ATRN: variants seen among roughly 807,000 people sequenced by gnomAD.
ATRN encodes attractin-2.
A neutral mutation model predicts 178.7 loss-of-function variants in ATRN; 54 were observed. The ratio of observed to expected loss-of-function variants is 0.30; its 90% CI spans 0.24 to 0.38. The LOEUF is 0.38. ATRN is among the 10% of genes least tolerant of loss of function. ATRN has a pLI of 1.00. For missense variants in ATRN, 1,443 were observed against 1,815.1 expected, an observed-to-expected ratio of 0.79 and a Z score of 3.73; for synonymous variants, 636 against 663.0, an observed-to-expected ratio of 0.96 and a Z score of 0.63.
intron 1 of ATRN, among the ~76,000 whole-genome samples, chr20:3,487,800 A>C (rs143131957): frequency 6.6e-6 from 1 of 152,122 alleles, no homozygotes; most frequent in African/African-American, 2.4e-5. Flanking sequence ...TGGGTGTGGG[A>C]CTCGTTATGA....
chr20:3,604,303 A>C, intron 24 of ATRN, 41 bp downstream of exon 24: 1 of 1,541,086 alleles, frequency 6.5e-7, no homozygotes, highest in Non-Finnish European at 8.7e-7. Flanking sequence ...AAAGGTGGTG[A>C]AATCTCTTTA....
At chr20:3,635,363 TAATAAATAAATA>T (rs71331055) in intron 26 of ATRN, among the ~76,000 whole-genome samples, 9 of 149,158 alleles carry the variant, frequency 6.0e-5, no homozygotes, top group African/African-American at 9.9e-5. Context: ...CCTATTGAAA[TAATAAATAAATA>T]AATAAATAAA....
chr20:3,558,313 A>G (rs1345767277), intron 6 of ATRN, among the ~76,000 whole-genome samples: 1 of 152,086 alleles, frequency 6.6e-6, no homozygotes, highest in Non-Finnish European at 1.5e-5. Flanking sequence ...TTCATTCTGT[A>G]TACTTATTCT....
intron 1 of ATRN, among the ~76,000 whole-genome samples, chr20:3,500,783 A>T (rs1014204759): frequency 1.3e-5 from 2 of 151,888 alleles, no homozygotes; most frequent in East Asian, 1.9e-4. Context: ...ACATGTATAC[A>T]TATGTAACTA....
At chr20:3,542,619 C>T (rs2085640766) in intron 3 of ATRN, among the ~76,000 whole-genome samples, 2 of 123,568 alleles carry the variant, frequency 1.6e-5, no homozygotes, top group East Asian at 2.2e-4. Context: ...TCCCCCTTCC[C>T]CTTTTCCTTC....
intron 25 of ATRN, chr20:3,629,393 T>C (rs1331371699): frequency 2.6e-6 from 2 of 759,992 alleles, no homozygotes; most frequent in African/African-American, 3.8e-5. Context: ...ACAAGCTCTT[T>C]CCCTACACTG....
intron 1 of ATRN, among the ~76,000 whole-genome samples, chr20:3,508,504 G>A (rs1003536057): frequency 2.0e-5 from 3 of 152,074 alleles, no homozygotes; most frequent in Non-Finnish European, 2.9e-5. Flanking sequence ...TACAGAAACA[G>A]GCTACTAGTC....
intron 27 of ATRN, among the ~76,000 whole-genome samples, chr20:3,639,763 C>T (rs975648142): frequency 6.6e-6 from 1 of 152,050 alleles, no homozygotes; most frequent in South Asian, 2.1e-4. Context: ...TAAAATGTTA[C>T]TGAGCTCACA....
intron 26 of ATRN, among the ~76,000 whole-genome samples, chr20:3,637,059 A>G (rs1316038992): frequency 6.6e-6 from 1 of 152,252 alleles, no homozygotes; most frequent in Non-Finnish European, 1.5e-5. Flanking sequence ...CATGAGAGAA[A>G]GTAAGATGCA....
At position 3,547,485 on chromosome 20, in the gene ATRN, G is replaced by T; in HGVS notation, c.939G>T (p.Trp313Cys). Residue 313 changes from tryptophan (W) to cysteine (C), a missense_variant, in exon 5 of 29, where the codon TGG (tryptophan) becomes TGT (cysteine). Around this residue, in one of 4 missense-constraint regions of ATRN, gnomAD observed 862 missense variants for 972.1 expected, o/e 0.89. Transcript: ENST00000262919. Reference sequence around the variant, plus strand: ...GAGGATGCTCCTGCTTCTCAGACTGGCAGGGTAGGAGCTTCTTTCATTTTT... The same window carrying T: ...GAGGATGCTCCTGCTTCTCAGACTGTCAGGGTAGGAGCTTCTTTCATTTTT... ...DVRGCSCFSD[W>C]QGPGCSVPVP... The T allele has an allele frequency of 5.6e-6, 9 of 1,612,424 alleles. No homozygotes were observed. Among genetic ancestry groups the T allele is most frequent in the Non-Finnish European group, 7.6e-6 (9 of 1,178,480 alleles).
chr20:3,525,278 C>T lies in ATRN; in HGVS notation c.411-9975C>T, dbSNP rs1358678730. ...AGAGAATACTATAAACAACTCTACG[C>T]AAATAAACTAGAAAATCTAGAAGAA... is the stretch of plus-strand genomic sequence containing the variant. On this transcript the variant is annotated intron_variant, in intron 1 of 28. Transcript: ENST00000262919. Among the ~76,000 whole-genome samples, 4 of 152,258 alleles carry T rather than the reference C, an allele frequency of 2.6e-5. No homozygotes were observed. The East Asian group carries it at 7.7e-4, about 29-fold the overall frequency.
In ATRN at chr20:3,471,291, C is replaced by T. The variant is rs1299748746; in HGVS notation, c.184C>T (p.Leu62=). The T allele has an allele frequency of 1.4e-6, 2 of 1,473,792 alleles. No homozygotes were observed. Among genetic ancestry groups the T allele is most frequent in the East Asian group, 2.9e-5 (1 of 34,398 alleles). The allele number at this position is 1,473,792 out of a possible 1,614,324, so 91.3% of individuals were successfully genotyped here. Residue 62 remains leucine (L), a synonymous_variant, in exon 1 of 29, where the codon CTG becomes TTG. Coordinates refer to ENST00000262919, the MANE Select transcript of ATRN (RefSeq NM_139321.3). The part of the protein sequence containing the change: ...LLSPPLRPRL[L]LLLLLLSPPL... ...GTCTCCACCGCTGCGGCCACGGCTGCTGCTGCTGCTGTTGTTGCTCTCGCC... is the reference window on the plus strand; with the variant it reads ...GTCTCCACCGCTGCGGCCACGGCTGTTGCTGCTGCTGTTGTTGCTCTCGCC...
At chr20:3,472,729 C>G (rs2084449363) in intron 1 of ATRN, among the ~76,000 whole-genome samples, 1 of 152,076 alleles carries the variant, frequency 6.6e-6, no homozygotes, top group African/African-American at 2.4e-5. Context: ...TTGTGGCTAG[C>G]TGGAGGGATG....
At chr20:3,542,628 T>TCCCTTC (rs144062271) in intron 3 of ATRN, among the ~76,000 whole-genome samples, 3 of 122,902 alleles carry the variant, frequency 2.4e-5, no homozygotes, top group South Asian at 3.2e-4. Flanking sequence ...CCCTTTTCCT[T>TCCCTTC]CCCTTCCCCT....
chr20:3,520,495 T>C (rs2085278744), intron 1 of ATRN, among the ~76,000 whole-genome samples: 1 of 152,124 alleles, frequency 6.6e-6, no homozygotes, highest in African/African-American at 2.4e-5. Flanking sequence ...ATGACAACTT[T>C]TTTCTTTTTT....
intron 1 of ATRN, among the ~76,000 whole-genome samples, chr20:3,513,902 A>G (rs1025338953): frequency 6.6e-6 from 1 of 152,004 alleles, no homozygotes; most frequent in African/African-American, 2.4e-5. Context: ...TTTGTCTGTT[A>G]TTGGTGTATA....
intron 1 of ATRN, among the ~76,000 whole-genome samples, chr20:3,501,697 A>T (rs2084966909): frequency 6.6e-6 from 1 of 152,218 alleles, no homozygotes; most frequent in African/African-American, 2.4e-5. Context: ...AGGTAAACTC[A>T]GGGGCGAGGG....
At chr20:3,639,650 A>G (rs1394781627) in intron 27 of ATRN, among the ~76,000 whole-genome samples, 2 of 152,218 alleles carry the variant, frequency 1.3e-5, no homozygotes, top group Non-Finnish European at 2.9e-5. Context: ...CCCCTCCCCA[A>G]AATGATGAAG....
chr20:3,479,501 T>C (rs1008029556), intron 1 of ATRN, among the ~76,000 whole-genome samples: 3 of 152,126 alleles, frequency 2.0e-5, no homozygotes, highest in African/African-American at 7.2e-5. Flanking sequence ...AGGTTTAGTG[T>C]GAGTAGACCA....
Sources: gnomAD v4.1 joint callset for allele counts (sites outside exome capture counted in the v4.1 genomes callset) on GRCh38, gnomAD v4.1.1 for gene constraint, gnomAD v4.1.1 regional missense constraint, MANE v1.5 for transcripts, NCBI Gene and HGNC (gene_info 2026-07-23, HGNC 2026-07-21) for gene names.